Variants in ERBB4 observed in about 807,000 individuals in gnomAD.
ERBB4 encodes the protein receptor tyrosine-protein kinase erbB-4.
A neutral mutation model predicts 158.0 loss-of-function variants in ERBB4; 42 were observed. The ratio of observed to expected loss-of-function variants is 0.27; its 90% CI spans 0.21 to 0.34. The LOEUF (loss-of-function observed/expected upper bound fraction) is 0.34, where lower values mean the gene tolerates loss of function less well. Ranked by LOEUF, ERBB4 falls within the 10% of genes least tolerant of loss-of-function variation. The pLI is 1.00. For missense variants in ERBB4, 1,333 were observed against 1,624.1 expected (o/e 0.82, Z 3.08); for synonymous variants, 583 against 558.7 (o/e 1.04, Z -0.61).
intron 4 of ERBB4, among the ~76,000 whole-genome samples, chr2:211,772,868 T>TACACAC (rs1178579658): frequency 7.9e-5 from 5 of 63,474 alleles, no homozygotes; most frequent in South Asian, 8.3e-4. Flanking sequence ...TATATATATA[T>TACACAC]ACACATATAT....
intron 1 of ERBB4, among the ~76,000 whole-genome samples, chr2:212,457,397 T>C (rs2106051234): frequency 6.6e-6 from 1 of 152,130 alleles, no homozygotes; most frequent in Admixed American, 6.6e-5. Context: ...CAACCCCTTC[T>C]TTACAGACTG....
intron 20 of ERBB4, among the ~76,000 whole-genome samples, chr2:211,458,568 A>G (rs537199131): frequency 2.0e-4 from 31 of 152,272 alleles, no homozygotes; most frequent in African/African-American, 7.5e-4. Context: ...CCTGGCCAAC[A>G]CTAAATAAAC....
intron 1 of ERBB4, among the ~76,000 whole-genome samples, chr2:212,257,929 A>T (rs2084800723): frequency 6.6e-6 from 1 of 151,896 alleles, no homozygotes; most frequent in African/African-American, 2.4e-5. Context: ...TCTGTCACTG[A>T]CTCCAGTATT....
At chr2:212,278,418 T>C (rs2085627369) in intron 1 of ERBB4, among the ~76,000 whole-genome samples, 1 of 151,678 alleles carries the variant, frequency 6.6e-6, no homozygotes, top group African/African-American at 2.4e-5. Flanking sequence ...AAATTCTATC[T>C]TTATACAATG....
At chr2:212,036,181 A>G (rs1302764692) in intron 2 of ERBB4, among the ~76,000 whole-genome samples, 1 of 152,148 alleles carries the variant, frequency 6.6e-6, no homozygotes, top group East Asian at 1.9e-4. Context: ...TATTGAGAAG[A>G]CAGTTAGCCT....
intron 2 of ERBB4, among the ~76,000 whole-genome samples, chr2:212,120,285 G>A (rs189318597): frequency 9.7e-4 from 148 of 152,280 alleles, no homozygotes; most frequent in Middle Eastern, 3.4e-3. Context: ...GAAACTGAAT[G>A]CTATTGGTGA....
At chr2:212,161,865 T>C (rs2125649708) in intron 1 of ERBB4, among the ~76,000 whole-genome samples, 1 of 151,964 alleles carries the variant, frequency 6.6e-6, no homozygotes, top group East Asian at 1.9e-4. Flanking sequence ...ATTTTTATCA[T>C]AACATATATG....
chr2:212,228,673 GTAAACCC>G (rs141732154), intron 1 of ERBB4, among the ~76,000 whole-genome samples: 2,715 of 152,200 alleles, frequency 0.018, 84 homozygotes, highest in African/African-American at 0.062. Context: ...CAAAAAATCA[GTAAACCC>G]CACCTTGCTG....
intron 1 of ERBB4, among the ~76,000 whole-genome samples, chr2:212,417,341 A>C (rs2091680369): frequency 6.6e-6 from 1 of 152,066 alleles, no homozygotes; most frequent in African/African-American, 2.4e-5. Context: ...AACAAGAACT[A>C]AATAGTGATC....
rs77625732 is a variant in ERBB4, at chr2:212,040,853, C to T, written c.234+83899G>A. Among the ~76,000 whole-genome samples, 6 of 152,158 alleles carry T rather than the reference C, an allele frequency of 3.9e-5. No homozygotes were observed. In the East Asian group the frequency reaches 1.2e-3, roughly 29 times the overall value. On this transcript the variant is annotated intron_variant, in intron 2 of 27. Transcript: ENST00000342788. ...TACCCTTTGCCTTCTTCAACTTTTG[C>T]GTATTTAATTGCTTTCTTCTCTTCT...
chr2:211,548,287 T>C lies in ERBB4; in HGVS notation c.2487+13616A>G, dbSNP rs192623383. Among the ~76,000 whole-genome samples, 22 of 151,664 alleles carry C rather than the reference T, an allele frequency of 1.5e-4. No homozygotes were observed. The East Asian group carries it at 3.9e-3, about 27-fold the overall frequency. On this transcript the variant is annotated intron_variant, in intron 20 of 27. Transcript: ENST00000342788. ...CCGATTTGGGAGGTTGCAATGTTAT[T>C]AGACAAACTGATAGAAAGATCGAGA...
intron 20 of ERBB4, among the ~76,000 whole-genome samples, chr2:211,470,441 T>C (rs1022913500): frequency 1.3e-5 from 2 of 152,102 alleles, no homozygotes; most frequent in Admixed American, 6.6e-5. Context: ...TTAAAGCAGA[T>C]ATCATGTCAA....
chr2:212,255,481 G>A (rs1450001578), intron 1 of ERBB4, among the ~76,000 whole-genome samples: 1 of 152,124 alleles, frequency 6.6e-6, no homozygotes, highest in Non-Finnish European at 1.5e-5. Context: ...AAAACAATTT[G>A]TATTTTTAAG....
chr2:211,498,520 C>T (rs1286310988), intron 20 of ERBB4, among the ~76,000 whole-genome samples: 2 of 152,008 alleles, frequency 1.3e-5, no homozygotes, highest in African/African-American at 4.8e-5. Flanking sequence ...GTACTAATTT[C>T]CCATTCATCA....
rs369545112 is a variant in ERBB4 at position 211,382,579 on chromosome 2, T to G, written c.*1036A>C. ...TGCCAGGTAGACATACCCAATCCAG[T>G]GTGTTTCTTCCAGTTCAATGGATTC... On this transcript the variant is annotated 3_prime_UTR_variant, in exon 28 of 28. Coordinates refer to ENST00000342788, the MANE Select transcript of ERBB4 (RefSeq NM_005235.3). The G allele has an allele frequency of 4.3e-6, 1 of 233,088 alleles. No homozygotes were observed. The highest frequency in any genetic ancestry group is 6.1e-5 in the East Asian group (1 of 16,500). 14.4% of individuals were successfully genotyped at this position (233,088 alleles called of 1,614,324 possible).
chr2:211,678,839 C>T (rs994397002), intron 13 of ERBB4, among the ~76,000 whole-genome samples: 7 of 151,716 alleles, frequency 4.6e-5, no homozygotes, highest in Non-Finnish European at 1.0e-4. Flanking sequence ...TGGTGGCGGG[C>T]GCCTGTAATC....
At chr2:212,385,027 T>C (rs528674230) in intron 1 of ERBB4, among the ~76,000 whole-genome samples, 4 of 151,066 alleles carry the variant, frequency 2.6e-5, no homozygotes, top group African/African-American at 9.7e-5. Context: ...AAAAGAATCG[T>C]TTGTGTAGCT....
At chr2:211,643,768 G>C (rs2070689624) in intron 16 of ERBB4, among the ~76,000 whole-genome samples, 1 of 151,942 alleles carries the variant, frequency 6.6e-6, no homozygotes, top group African/African-American at 2.4e-5. Flanking sequence ...AGGGGTGGGA[G>C]GAAGTGCCTC....
chr2:211,738,578 G>A lies in ERBB4; in HGVS notation c.622+12061C>T, dbSNP rs1188523811. Among the ~76,000 whole-genome samples, 3 of 151,812 alleles carry A rather than the reference G, an allele frequency of 2.0e-5. No homozygotes were observed. In the East Asian group the frequency reaches 5.8e-4, roughly 29 times the overall value. ...GTAGAGACAGGGTTTCACCATGTTG[G>A]CCAGGCTGGTCTTGAACACCTGAAC... On this transcript the variant is annotated intron_variant, in intron 5 of 27. Transcript: ENST00000342788.
Sources: gnomAD v4.1 joint callset for allele counts (sites outside exome capture counted in the v4.1 genomes callset) on GRCh38, gnomAD v4.1.1 for gene constraint, MANE v1.5 for transcripts, NCBI Gene and HGNC (gene_info 2026-07-23, HGNC 2026-07-21) for gene names.